NPIPA9: variants seen among roughly 807,000 people sequenced by gnomAD.
NPIPA9 encodes the protein nuclear pore complex-interacting protein family member A9.
intron 2 of NPIPA9, chr16:18,374,411 G>A: frequency 1.3e-5 from 3 of 226,466 alleles, no homozygotes; most frequent in Non-Finnish European, 1.6e-5. Context: ...TCCAGCCTGG[G>A]TGACAGAATG....
intron 4 of NPIPA9, among the ~76,000 whole-genome samples, chr16:18,365,188 C>G (rs1160827835): frequency 1.3e-5 from 1 of 79,444 alleles, no homozygotes; most frequent in Non-Finnish European, 2.4e-5. Flanking sequence ...GCAGGAGAAT[C>G]ACTTGAACCC....
chr16:18,375,302 T>C (rs1358172550), intron 1 of NPIPA9, among the ~76,000 whole-genome samples: 203 of 130,594 alleles, frequency 1.6e-3, no homozygotes, highest in Non-Finnish European at 2.7e-3. Flanking sequence ...TTAAATTTCA[T>C]TTTTTTTTTT....
chr16:18,365,026 G>A (rs1900490600), intron 4 of NPIPA9, among the ~76,000 whole-genome samples: 2 of 126,162 alleles, frequency 1.6e-5, no homozygotes, highest in Non-Finnish European at 3.3e-5. Context: ...TGTAATCCCA[G>A]CACTTTGGGA....
chr16:18,371,603 C>T (rs1405545731), intron 3 of NPIPA9, among the ~76,000 whole-genome samples: 2 of 95,842 alleles, frequency 2.1e-5, no homozygotes, highest in Non-Finnish European at 4.2e-5. Context: ...TGGGCCCAAG[C>T]GATCCTCCCA....
intron 4 of NPIPA9, among the ~76,000 whole-genome samples, chr16:18,365,168 G>C (rs1461782541): frequency 3.1e-3 from 257 of 83,792 alleles, no homozygotes; most frequent in Admixed American, 4.4e-3. Flanking sequence ...CAGCTAGTCG[G>C]GAGGCTGAGG....
intron 3 of NPIPA9, among the ~76,000 whole-genome samples, chr16:18,372,339 G>C (rs1411806500): frequency 3.2e-4 from 1 of 3,130 alleles, no homozygotes; most frequent in East Asian, 0.018. Context: ...GCAAGGGAGC[G>C]TGAGGCTTAG....
rs1327563237 is a variant in NPIPA9 at position 18,367,362 on chromosome 16, CA to C, written c.192+895del. Reference sequence around the variant, plus strand: ...GACAAAATGTAGAGCTCAACTTACGCAAAGGATAAAAGGCTCAAAAGACAAA... The same window carrying C: ...GACAAAATGTAGAGCTCAACTTACGCAAGGATAAAAGGCTCAAAAGACAAA... On this transcript the variant is annotated intron_variant, in intron 4 of 9. Coordinates refer to ENST00000427999, the Ensembl canonical transcript of NPIPA9. Among the ~76,000 whole-genome samples the C allele has an allele frequency of 3.5e-5, 3 of 86,872 alleles. 1 individual carries two copies. In the Admixed American group the frequency reaches 4.0e-4, roughly 11 times the overall value. 57.0% of individuals were successfully genotyped at this position (86,872 alleles called of 152,430 possible).
rs1352348236 is a variant in NPIPA9, at chr16:18,364,835, G to A, written c.193-201C>T. Among the ~76,000 whole-genome samples the A allele has an allele frequency of 4.9e-5, 3 of 61,224 alleles. No individual in the cohort carries two copies. In the Admixed American group the frequency reaches 5.2e-4, roughly 11 times the overall value. 40.2% of individuals were successfully genotyped at this position (61,224 alleles called of 152,430 possible). On this transcript the variant is annotated intron_variant, in intron 4 of 9. Coordinates refer to ENST00000427999, the Ensembl canonical transcript of NPIPA9. ...TGGGCGCCTGTAATCCGAGCTACTC[G>A]GGAGGCTGAGGCAGAGAACCGTTTG...
At chr16:18,374,862 T>C (rs879073445) in exon 2 of NPIPA9, 1 of 496,320 alleles carries the variant, frequency 2.0e-6, no homozygotes, top group South Asian at 2.1e-5. Context: ...CAAGTCACTC[T>C]TCATCTGTCC....
intron 3 of NPIPA9, among the ~76,000 whole-genome samples, chr16:18,370,058 G>A (rs1354256544): frequency 2.3e-3 from 305 of 134,792 alleles, no homozygotes; most frequent in African/African-American, 7.6e-3. Flanking sequence ...TTGGGAAGCC[G>A]AGGTGGGTGG....
chr16:18,365,293 A>AT lies in NPIPA9; in HGVS notation c.193-660_193-659insA, dbSNP rs1431473694. 4.4e-5 allele frequency among the ~76,000 whole-genome samples: 4 copies of AT among 91,072 alleles called. No individual in the cohort carries two copies. In the East Asian group the frequency reaches 7.4e-4, roughly 17 times the overall value. 59.7% of individuals were successfully genotyped at this position (91,072 alleles called of 152,430 possible). ...CTGTCTCAAAAAAAAAAAAAAAAAA[A>AT]ATATAGGCCAGGTGCGGTAGCTCAC... On this transcript the variant is annotated intron_variant, in intron 4 of 9. Coordinates refer to ENST00000427999, the Ensembl canonical transcript of NPIPA9.
chr16:18,374,927 G>A lies in NPIPA9; in HGVS notation c.-165C>T, dbSNP rs1050653876. On this transcript the variant is annotated 5_prime_UTR_variant, in exon 2 of 10. Transcript: ENST00000427999. ...TCTTGAGTCCAAGCTGCGCCAAGGCGGCAGGACCCCCAGTAGAGCCCTCAC... is the reference window on the plus strand; with the variant it reads ...TCTTGAGTCCAAGCTGCGCCAAGGCAGCAGGACCCCCAGTAGAGCCCTCAC... The A allele has an allele frequency of 1.8e-5, 10 of 546,060 alleles. 1 individual carries two copies. The highest frequency in any genetic ancestry group is 3.2e-5 in the East Asian group (1 of 31,326). 33.8% of individuals were successfully genotyped at this position (546,060 alleles called of 1,614,324 possible).
intron 3 of NPIPA9, chr16:18,372,097 C>G (rs1238203174): frequency 0.011 from 662 of 61,838 alleles, 10 homozygotes; most frequent in East Asian, 0.012. Flanking sequence ...GGACCGGGCC[C>G]GATCTGAGTT....
At chr16:18,370,283 C>T (rs1253484194) in intron 3 of NPIPA9, among the ~76,000 whole-genome samples, 1 of 128,332 alleles carries the variant, frequency 7.8e-6, no homozygotes, top group East Asian at 2.8e-4. Context: ...GAGCGAGACT[C>T]TGTCTCAAAA....
intron 1 of NPIPA9, among the ~76,000 whole-genome samples, chr16:18,375,300 C>A (rs1328968753): frequency 6.8e-6 from 1 of 147,180 alleles, no homozygotes; most frequent in East Asian, 2.0e-4. Context: ...TTTTAAATTT[C>A]ATTTTTTTTT....
At chr16:18,370,279 G>A (rs1279343646) in intron 3 of NPIPA9, among the ~76,000 whole-genome samples, 3 of 128,306 alleles carry the variant, frequency 2.3e-5, no homozygotes, top group African/African-American at 8.6e-5. Context: ...GACAGAGCGA[G>A]ACTCTGTCTC....
At chr16:18,369,889 G>C (rs1424799971) in intron 3 of NPIPA9, among the ~76,000 whole-genome samples, 3 of 142,468 alleles carry the variant, frequency 2.1e-5, no homozygotes, top group South Asian at 4.3e-4. Flanking sequence ...TTCTCTCTTG[G>C]ATTATATGAA....
chr16:18,369,899 ATCTT>A (rs1900516658), intron 3 of NPIPA9, among the ~76,000 whole-genome samples: 1 of 145,496 alleles, frequency 6.9e-6, no homozygotes, highest in Non-Finnish European at 1.5e-5. Flanking sequence ...GATTATATGA[ATCTT>A]TGTCATTTAA....
At chr16:18,365,576 T>TA (rs1900500116) in intron 4 of NPIPA9, among the ~76,000 whole-genome samples, 5 of 566 alleles carry the variant, frequency 8.8e-3, no homozygotes, top group Admixed American at 0.018. Flanking sequence ...AGACTCTGTC[T>TA]CAAAAAAAAA....
Sources: gnomAD v4.1 joint callset for allele counts (sites outside exome capture counted in the v4.1 genomes callset) on GRCh38, gnomAD v4.1.1 for gene constraint, MANE v1.5 for transcripts, NCBI Gene and HGNC (gene_info 2026-07-23, HGNC 2026-07-21) for gene names.